LINGO2: variants seen among roughly 807,000 people sequenced by gnomAD.
LINGO2 encodes the protein leucine rich repeat and Ig domain containing 2, also known as leucine-rich repeat and immunoglobulin-like domain-containing nogo receptor-interacting protein 2.
LINGO2 carries 14 observed loss-of-function variants against 30.6 expected under a neutral mutation model. That is an observed-to-expected ratio of 0.46 (90% CI 0.30 to 0.72). The LOEUF (loss-of-function observed/expected upper bound fraction) is 0.72, where lower values mean the gene tolerates loss of function less well. LINGO2 is among the 30% of genes least tolerant of loss of function. LINGO2 has a pLI of 0.07. For missense variants in LINGO2, 729 were observed against 751.7 expected (o/e 0.97, Z 0.35); for synonymous variants, 317 against 288.5 (o/e 1.10, Z -1.00).
intron 4 of LINGO2, among the ~76,000 whole-genome samples, chr9:28,201,791 C>T (rs974994841): frequency 6.6e-6 from 1 of 151,894 alleles, no homozygotes; most frequent in African/African-American, 2.4e-5. Context: ...CTCTTTTCCT[C>T]CTCCTGCTCT....
At chr9:28,089,617 G>T (rs1440562221) in intron 4 of LINGO2, among the ~76,000 whole-genome samples, 1 of 152,156 alleles carries the variant, frequency 6.6e-6, no homozygotes, top group Non-Finnish European at 1.5e-5. Flanking sequence ...AAGCAGGAAA[G>T]ATCTAAAATT....
the LINGO2 span, among the ~76,000 whole-genome samples, chr9:28,987,324 G>T: frequency 6.6e-6 from 1 of 151,710 alleles, no homozygotes; most frequent in Non-Finnish European, 1.5e-5. Context: ...TATCTGATTT[G>T]TTGATTTACA....
intron 4 of LINGO2, among the ~76,000 whole-genome samples, chr9:28,233,260 T>C (rs992825683): frequency 1.3e-5 from 2 of 151,762 alleles, no homozygotes; most frequent in Non-Finnish European, 2.9e-5. Flanking sequence ...GATAAACTAA[T>C]TAACTGAACA....
At chr9:28,408,443 G>C (rs1157411645) in intron 2 of LINGO2, among the ~76,000 whole-genome samples, 7 of 152,050 alleles carry the variant, frequency 4.6e-5, no homozygotes, top group African/African-American at 1.4e-4. Flanking sequence ...CAGGACCAGG[G>C]ATGCTTCCTA....
At chr9:28,804,555 AAAC>A in the LINGO2 span, among the ~76,000 whole-genome samples, 1 of 108,496 alleles carries the variant, frequency 9.2e-6, no homozygotes, top group Non-Finnish European at 2.1e-5. Flanking sequence ...ACAAAAACAA[AAAC>A]AAAAACAAAA....
Position 28,148,846 on chromosome 9 carries a change from C to A in LINGO2, c.-86-136441G>T, listed in dbSNP as rs1191801582. The A allele has an allele frequency of 3.9e-6, 6 of 1,533,620 alleles. No homozygotes were observed. Among genetic ancestry groups the A allele is most frequent in the Non-Finnish European group, 4.4e-6 (5 of 1,146,514 alleles). On this transcript the variant is annotated intron_variant, in intron 4 of 5. Transcript: ENST00000379992. This position sits in a 1 kb window ranked among gnomAD's most constrained non-coding sequence, Gnocchi z 5.1. ...AGGTGCTGGGTAAAGACCACCTGCC[C>A]AGCTCTCCAGGCTTGCTGATGGTGG...
At chr9:28,972,455 A>G in the LINGO2 span, among the ~76,000 whole-genome samples, 2 of 152,218 alleles carry the variant, frequency 1.3e-5, no homozygotes, top group Admixed American at 6.5e-5. Flanking sequence ...TAACAAATAG[A>G]TTGAAATAAT....
At chr9:29,066,858 T>C in the LINGO2 span, among the ~76,000 whole-genome samples, 2 of 151,842 alleles carry the variant, frequency 1.3e-5, no homozygotes, top group African/African-American at 4.8e-5. Flanking sequence ...AAACCTGCTT[T>C]ATGTTAGCTT....
chr9:28,479,956 T>TATATATATATATATATAC (rs1491144467), intron 1 of LINGO2, among the ~76,000 whole-genome samples: 15 of 105,044 alleles, frequency 1.4e-4, no homozygotes, highest in African/African-American at 2.1e-4. Flanking sequence ...TATATATATA[T>TATATATATATATATATAC]GTACATTTTG....
At chr9:28,719,106 T>A in the LINGO2 span, among the ~76,000 whole-genome samples, 1 of 151,980 alleles carries the variant, frequency 6.6e-6, no homozygotes, top group Admixed American at 6.6e-5. Flanking sequence ...CTTACCTGCA[T>A]TTGTATCTAT....
chr9:28,103,107 T>G lies in LINGO2; in HGVS notation c.-86-90702A>C, dbSNP rs145240641. Among the ~76,000 whole-genome samples the G allele has an allele frequency of 2.5e-3, 378 of 152,286 alleles. 9 individuals are homozygous for G. The South Asian group carries it at 0.048, about 20-fold the overall frequency. ...TCTTCCAAGTTTAGATTAGCCTGGA[T>G]TCTAGAAGACTTATTAGTACAAATT... On this transcript the variant is annotated intron_variant, in intron 4 of 5. Transcript: ENST00000379992.
intron 1 of LINGO2, among the ~76,000 whole-genome samples, chr9:28,507,117 A>G (rs1432839014): frequency 6.6e-6 from 1 of 152,054 alleles, no homozygotes; most frequent in Non-Finnish European, 1.5e-5. Context: ...AAATTCCAAG[A>G]TGATGTCCCA....
At chr9:28,169,665 CAAAT>C (rs1391967059) in intron 4 of LINGO2, among the ~76,000 whole-genome samples, 4 of 152,020 alleles carry the variant, frequency 2.6e-5, no homozygotes, top group Non-Finnish European at 5.9e-5. Flanking sequence ...ACACGAGAGG[CAAAT>C]AAACAAATAA....
chr9:29,177,210 T>C, the LINGO2 span, among the ~76,000 whole-genome samples: 1 of 152,232 alleles, frequency 6.6e-6, no homozygotes, highest in Non-Finnish European at 1.5e-5. Flanking sequence ...TAGTAAATAT[T>C]GTAATCACAG....
the LINGO2 span, among the ~76,000 whole-genome samples, chr9:29,167,376 A>T: frequency 6.6e-6 from 1 of 152,178 alleles, no homozygotes; most frequent in African/African-American, 2.4e-5. Context: ...CAGCATATCA[A>T]ACTGGCTGTC....
chr9:28,771,297 A>G, the LINGO2 span, among the ~76,000 whole-genome samples: 21 of 152,020 alleles, frequency 1.4e-4, no homozygotes, highest in African/African-American at 4.6e-4. Context: ...AATAACTTCA[A>G]TTGAAAGAAA....
chr9:28,919,966 C>A, the LINGO2 span, among the ~76,000 whole-genome samples: 2 of 152,050 alleles, frequency 1.3e-5, no homozygotes, highest in Non-Finnish European at 2.9e-5. Context: ...TATATGAGAT[C>A]AGTAAAAATA....
At chr9:28,431,053 A>AGAGAGAGAGAGAGC (rs1231696566) in intron 2 of LINGO2, among the ~76,000 whole-genome samples, 1 of 106,752 alleles carries the variant, frequency 9.4e-6, no homozygotes, top group African/African-American at 2.8e-5. Context: ...AGAGAGAGAG[A>AGAGAGAGAGAGAGC]GAGAGAGAGA....
At chr9:28,698,624 T>C in the LINGO2 span, among the ~76,000 whole-genome samples, 1 of 152,052 alleles carries the variant, frequency 6.6e-6, no homozygotes, top group Non-Finnish European at 1.5e-5. Flanking sequence ...TGTGTGGTTT[T>C]TTTTTAAGAG....
Sources: gnomAD v4.1 joint callset for allele counts (sites outside exome capture counted in the v4.1 genomes callset) on GRCh38, gnomAD v4.1.1 for gene constraint, Gnocchi (gnomAD v3.1) non-coding constraint, MANE v1.5 for transcripts, NCBI Gene and HGNC (gene_info 2026-07-23, HGNC 2026-07-21) for gene names.